DNAJC12: variants seen among roughly 807,000 people sequenced by gnomAD.
DNAJC12 encodes the protein dnaJ homolog subfamily C member 12.
In DNAJC12, 25 loss-of-function variants were observed where a neutral mutation model predicts 28.5. The ratio of observed to expected loss-of-function variants is 0.88; its 90% CI spans 0.64 to 1.22. The LOEUF (loss-of-function observed/expected upper bound fraction) is 1.22, where lower values mean the gene tolerates loss of function less well. Among genes scored for constraint, DNAJC12 ranks in the 50% most tolerant of loss-of-function variants. The probability of loss-of-function intolerance (pLI) is 0.00; values close to 1 mark genes in which losing one functional copy is unlikely to be tolerated. For synonymous variants in DNAJC12, 77 were observed against 80.6 expected (o/e 0.95, Z 0.24); for missense variants, 222 against 231.7 (o/e 0.96, Z 0.27).
rs150522570 is a variant in DNAJC12 at position 67,812,374 on chromosome 10, G to A, written c.158-711C>T. Among the ~76,000 whole-genome samples, 582 of 152,256 alleles carry A rather than the reference G, an allele frequency of 3.8e-3. 2 individuals carry two copies. Among genetic ancestry groups the A allele is most frequent in the Non-Finnish European group, 6.4e-3 (433 of 68,010 alleles). On this transcript the variant is annotated intron_variant, in intron 2 of 4. Coordinates refer to ENST00000225171, the MANE Select transcript of DNAJC12 (RefSeq NM_021800.3). ...GCCTGCTTTTTGTCGTAAGAGAAAC[G>A]GGAGGCTTTAAGTATAATAAATAAC... is the stretch of plus-strand genomic sequence containing the variant.
intron 2 of DNAJC12, chr10:67,816,275 G>A: frequency 2.6e-6 from 1 of 389,952 alleles, no homozygotes; most frequent in Non-Finnish European, 4.5e-6. Flanking sequence ...AAATCTGGAA[G>A]AAAATATACC....
chr10:67,830,825 A>G (rs1564867486), intron 1 of DNAJC12, among the ~76,000 whole-genome samples: 1 of 152,104 alleles, frequency 6.6e-6, no homozygotes, highest in Non-Finnish European at 1.5e-5. Context: ...CACACAGCTA[A>G]TAAGTAGCAC....
At chr10:67,826,802 A>ATC (rs1564865976) in intron 1 of DNAJC12, among the ~76,000 whole-genome samples, 18 of 125,494 alleles carry the variant, frequency 1.4e-4, no homozygotes, top group African/African-American at 4.5e-4. Flanking sequence ...GATATCAGAT[A>ATC]TATAATGATA....
intron 2 of DNAJC12, among the ~76,000 whole-genome samples, chr10:67,820,845 G>T (rs1036427788): frequency 5.2e-5 from 7 of 133,862 alleles, no homozygotes; most frequent in South Asian, 4.8e-4. Context: ...GTGCAATGGC[G>T]CAAGCTCTGC....
chr10:67,800,950 A>C (rs76474771), intron 4 of DNAJC12, among the ~76,000 whole-genome samples: 6,733 of 152,286 alleles, frequency 0.044, 175 homozygotes, highest in South Asian at 0.11. Context: ...CTAAAAAAAA[A>C]AAAAATTTCT....
chr10:67,802,673 AT>A (rs1841758340), intron 4 of DNAJC12, among the ~76,000 whole-genome samples: 1 of 152,138 alleles, frequency 6.6e-6, no homozygotes, highest in Non-Finnish European at 1.5e-5. Flanking sequence ...TTGACATAAC[AT>A]ATATCTACAC....
intron 4 of DNAJC12, among the ~76,000 whole-genome samples, chr10:67,805,185 G>C (rs1841786209): frequency 6.6e-6 from 1 of 151,910 alleles, no homozygotes; most frequent in Non-Finnish European, 1.5e-5. Flanking sequence ...TCAACCTCCT[G>C]GCCTTTGGTT....
At chr10:67,806,559 C>T (rs10997818) in intron 3 of DNAJC12, among the ~76,000 whole-genome samples, 25,846 of 152,142 alleles carry the variant, frequency 0.17, 2,388 homozygotes, top group African/African-American at 0.24. Context: ...CACAGTGGCT[C>T]ATGCTTGTAA....
At chr10:67,804,586 A>G (rs964311634) in intron 4 of DNAJC12, among the ~76,000 whole-genome samples, 2 of 152,260 alleles carry the variant, frequency 1.3e-5, no homozygotes, top group African/African-American at 4.8e-5. Flanking sequence ...AGAGAAGTTA[A>G]GTAACTTTGC....
chr10:67,826,036 T>TCTCTTTGAAAA (rs1842025664), intron 1 of DNAJC12, among the ~76,000 whole-genome samples: 2 of 152,184 alleles, frequency 1.3e-5, no homozygotes, highest in Non-Finnish European at 2.9e-5. Flanking sequence ...AAAAACGTTC[T>TCTCTTTGAAAA]ATCACTACAG....
chr10:67,833,884 C>G, intron 1 of DNAJC12: 1 of 482,096 alleles, frequency 2.1e-6, no homozygotes, highest in Non-Finnish European at 4.3e-6. Context: ...CAAAGTCTAT[C>G]AAAATCTGCC....
intron 1 of DNAJC12, among the ~76,000 whole-genome samples, chr10:67,836,931 A>T (rs1842147270): frequency 1.3e-5 from 2 of 150,134 alleles, no homozygotes; most frequent in African/African-American, 4.9e-5. Flanking sequence ...TAAAACATAA[A>T]TATATCCTAA....
intron 2 of DNAJC12, among the ~76,000 whole-genome samples, chr10:67,813,098 A>G (rs1049481090): frequency 6.6e-6 from 1 of 152,216 alleles, no homozygotes; most frequent in Non-Finnish European, 1.5e-5. Context: ...GGCTTTTGAG[A>G]TATGATTAGA....
intron 3 of DNAJC12, among the ~76,000 whole-genome samples, chr10:67,809,387 G>T (rs1297097633): frequency 1.3e-5 from 2 of 152,094 alleles, no homozygotes; most frequent in Non-Finnish European, 1.5e-5. Context: ...CCAAAGGCCT[G>T]AATTACTGAA....
chr10:67,814,050 A>G (rs1284512589), intron 2 of DNAJC12, among the ~76,000 whole-genome samples: 1 of 151,246 alleles, frequency 6.6e-6, no homozygotes, highest in African/African-American at 2.4e-5. Flanking sequence ...AAAAAAAAAA[A>G]CTCTTGAAAA....
chr10:67,825,724 A>T (rs1242290958), intron 1 of DNAJC12: 1 of 152,292 alleles, frequency 6.6e-6, no homozygotes, highest in East Asian at 1.9e-4. Context: ...TCAAAGTCAG[A>T]CGGTATTAGA....
chr10:67,801,352 C>A (rs1841742160), intron 4 of DNAJC12, among the ~76,000 whole-genome samples: 1 of 152,288 alleles, frequency 6.6e-6, no homozygotes, highest in East Asian at 1.9e-4. Context: ...CATAAATAAT[C>A]ATGCAACAGC....
At position 67,805,693 on chromosome 10, in the gene DNAJC12, T is replaced by G; in HGVS notation, c.392A>C (p.Glu131Ala). ...CTCCTCTTTCTTTCTTTCTCTTTGC[T>G]CATTACATTCCTCATTTTCCATCTT... The part of the protein sequence containing the change: ...TTKMENEECN[E>A]QRERKKEELA... The change falls in exon 4 of 5, where the codon GAG (glutamate) becomes GCG (alanine). Residue 131 changes from glutamate (E) to alanine (A), a missense_variant. By Grantham distance (107) the Glu-to-Ala change is moderately radical (BLOSUM62 -1). Coordinates refer to ENST00000225171, the MANE Select transcript of DNAJC12 (RefSeq NM_021800.3). 1 of 1,613,824 alleles carries G rather than the reference T, an allele frequency of 6.2e-7. No individual in the cohort carries two copies. The highest frequency in any genetic ancestry group is 8.5e-7 in the Non-Finnish European group (1 of 1,179,956).
At chr10:67,819,156 AC>A (rs1841945739) in intron 2 of DNAJC12, among the ~76,000 whole-genome samples, 1 of 150,572 alleles carries the variant, frequency 6.6e-6, no homozygotes, top group East Asian at 2.0e-4. Context: ...ACAAGGTGAA[AC>A]CCCGTCTCTA....
Sources: allele counts gnomAD v4.1 joint callset (sites outside exome capture counted in the v4.1 genomes callset), GRCh38; gene constraint gnomAD v4.1.1; transcripts MANE v1.5; gene names NCBI Gene and HGNC (gene_info 2026-07-23, HGNC 2026-07-21).